FLG: variants seen among roughly 807,000 people sequenced by gnomAD.
FLG encodes the protein epidermal filaggrin.
A neutral mutation model predicts 3.8 loss-of-function variants in FLG; 6 were observed. The observed-to-expected ratio is 1.60, with a 90% CI of 0.87 to 3.15. The LOEUF is 3.15. Ranked by LOEUF, FLG falls within the 30% of genes most tolerant of loss-of-function variation. The pLI is 0.00. For synonymous variants in FLG, 2,551 were observed against 1,931.6 expected, an observed-to-expected ratio of 1.32 and a Z score of -8.41; for missense variants, 7,595 against 5,050.9, an observed-to-expected ratio of 1.50 and a Z score of -15.27.
At position 152,312,206 on chromosome 1, in the gene FLG, T is replaced by G. The variant is rs1652494034; in HGVS notation, c.2680A>C (p.Arg894=). The G allele has an allele frequency of 6.2e-7, 1 of 1,613,908 alleles. No individual in the cohort carries two copies. The highest frequency in any genetic ancestry group is 8.5e-7 in the Non-Finnish European group (1 of 1,180,008). The part of the protein sequence containing the change: ...RGQSGSRSAS[R]TTRNEEQSRD... ...GATTGTTCCTCATTACGTGTTGTTC[T>G]GCTTGCACTTCTGGATCCTGACTGC... Residue 894 remains arginine, a synonymous_variant, in exon 3 of 3, where the codon AGA becomes CGA. Transcript: ENST00000368799.
chr1:152,302,894 T>A lies in FLG; in HGVS notation c.11992A>T (p.Ser3998Cys). ...ACAGGATTGGAATTGTAACTAACAC[T>A]TCCGTGCTGAGAGTGTCTAAACCCG... The part of the protein sequence containing the change: ...ESGFRHSQHG[S>C]VSYNSNPVVF... Residue 3998 changes from serine to cysteine, a missense_variant, in exon 3 of 3, where the codon AGT becomes TGT. Physicochemically the swap from Ser to Cys is moderately radical, Grantham distance 112 (BLOSUM62 -1). Transcript: ENST00000368799. 1.2e-6 allele frequency: 2 copies of A among 1,614,224 alleles called. No homozygotes were observed. Among genetic ancestry groups the A allele is most frequent in the Non-Finnish European group, 1.7e-6 (2 of 1,180,038 alleles).
rs184470276 is a variant in FLG at position 152,302,754 on chromosome 1, A to G, written c.12132T>C (p.Asp4044=). 5.0e-6 allele frequency: 8 copies of G among 1,614,044 alleles called. No individual in the cohort carries two copies. Among genetic ancestry groups the G allele is most frequent in the African/African-American group, 1.3e-5 (1 of 74,934 alleles). The part of the protein sequence containing the change: ...KDPGLCGHSS[D]ISKQLGFSQS... The stretch of plus-strand genomic sequence containing the variant: ...GACTAAATCCCAGTTGTTTCGATAT[A>G]TCACTAGAATGGCCACATAAACCTG... Residue 4044 remains aspartate, a synonymous_variant, in exon 3 of 3, where the codon GAT becomes GAC. Coordinates refer to ENST00000368799, the MANE Select transcript of FLG (RefSeq NM_002016.2).
rs779073764 is a variant in FLG, at chr1:152,311,542, C to A, written c.3344G>T (p.Gly1115Val). 6.2e-7 allele frequency: 1 copy of A among 1,613,876 alleles called. No homozygotes were observed. Among genetic ancestry groups the A allele is most frequent in the Non-Finnish European group, 8.5e-7 (1 of 1,179,990 alleles). Residue 1115 changes from glycine (G) to valine (V), a missense_variant, in exon 3 of 3, where the codon GGG becomes GTG. Gly to Val is a moderately radical substitution (Grantham distance 109, BLOSUM62 -3). Transcript: ENST00000368799. ...DWSGGRSGRS[G>V]SFIYQVSTHE... Reference sequence around the variant, plus strand: ...AGTGCTCACCTGGTAGATGAAAGACCCTGAACGTCCAGACCTTCCCCCTGA... The same window carrying A: ...AGTGCTCACCTGGTAGATGAAAGACACTGAACGTCCAGACCTTCCCCCTGA...
chr1:152,310,774 G>C lies in FLG; in HGVS notation c.4112C>G (p.Ser1371Ter). 6.2e-7 allele frequency: 1 copy of C among 1,614,030 alleles called. No homozygotes were observed. Among genetic ancestry groups the C allele is most frequent in the Non-Finnish European group, 8.5e-7 (1 of 1,179,992 alleles). The change falls in exon 3 of 3, where the codon TCA becomes TGA. Residue 1371 changes from serine to a stop codon, truncating the protein, a stop_gained. Transcript: ENST00000368799. LOFTEE classifies it low-confidence loss of function (END_TRUNC). ...HQQSADSSRH[S>*]GIGHRQASSA... ...TGAAGCTTGTCTGTGCCCAATGCCT[G>C]AGTGTCTGGAGCTGTCTGCTGACTG...
chr1:152,314,712 C>G lies in FLG; in HGVS notation c.174G>C (p.Met58Ile). 1 of 1,613,800 alleles carries G rather than the reference C, an allele frequency of 6.2e-7. No individual in the cohort carries two copies. Among genetic ancestry groups the G allele is most frequent in the Non-Finnish European group, 8.5e-7 (1 of 1,179,764 alleles). ...TGTTGTGGTCTATATCCAAGTGATCCATGAAGACATCAACCATATCTGGGT... is the reference window on the plus strand; with the variant it reads ...TGTTGTGGTCTATATCCAAGTGATCGATGAAGACATCAACCATATCTGGGT... ...PDDPDMVDVF[M>I]DHLDIDHNKK... The change falls in exon 3 of 3, where the codon ATG becomes ATC. Residue 58 changes from methionine (M) to isoleucine (I), a missense_variant. Physicochemically the swap from Met to Ile is conservative, Grantham distance 10. Coordinates refer to ENST00000368799, the MANE Select transcript of FLG (RefSeq NM_002016.2).
chr1:152,314,829 A>T, intron 2 of FLG, 82 bp from the exon 3 acceptor site: 2 of 1,566,774 alleles, frequency 1.3e-6, no homozygotes, highest in Non-Finnish European at 1.7e-6. Context: ...TAATTTAAGG[A>T]ACCTGATCTT....
In FLG at chr1:152,308,564, C is replaced by T. The variant is rs775399724; in HGVS notation, c.6322G>A (p.Ala2108Thr). The T allele has an allele frequency of 9.3e-6, 15 of 1,613,988 alleles. No homozygotes were observed. In the South Asian group the frequency reaches 1.2e-4, roughly 13 times the overall value. Reference protein sequence around the residue: ...EQSESTHGQSAPSTGGRQGSH... With the variant: ...EQSESTHGQSTPSTGGRQGSH... Reference sequence around the variant, plus strand: ...CCTTGTCTTCCTCCAGTGCTGGGCGCAGACTGTCCATGGGTGGACTCAGAC... The same window carrying T: ...CCTTGTCTTCCTCCAGTGCTGGGCGTAGACTGTCCATGGGTGGACTCAGAC... Residue 2108 changes from alanine to threonine, a missense_variant, in exon 3 of 3, where the codon GCG (alanine) becomes ACG (threonine). By Grantham distance (58) the Ala-to-Thr change is moderately conservative (BLOSUM62 0). Transcript: ENST00000368799.
rs147044321 is a variant in FLG at position 152,314,156 on chromosome 1, A to T, written c.730T>A (p.Tyr244Asn). Residue 244 changes from tyrosine to asparagine, a missense_variant, in exon 3 of 3, where the codon TAT becomes AAT. By Grantham distance (143) the Tyr-to-Asn change is moderately radical (BLOSUM62 -2). Transcript: ENST00000368799. ...ATYYTIQDEA[Y>N]DTTDSLLEEN... ...TCTAATAGACTATCAGTGGTGTCATAGGCTTCATCCTGGATTGTGTAATAT... is the reference window on the plus strand; with the variant it reads ...TCTAATAGACTATCAGTGGTGTCATTGGCTTCATCCTGGATTGTGTAATAT... 53 of 1,614,058 alleles carry T rather than the reference A, an allele frequency of 3.3e-5. No homozygotes were observed. In the African/African-American group the frequency reaches 6.3e-4, roughly 19 times the overall value.
At position 152,312,354 on chromosome 1, in the gene FLG, G is replaced by A. The variant is rs1033742473; in HGVS notation, c.2532C>T (p.His844=). 1.1e-5 allele frequency: 17 copies of A among 1,612,172 alleles called. No individual in the cohort carries two copies. Among genetic ancestry groups the A allele is most frequent in the Non-Finnish European group, 1.4e-5 (17 of 1,179,508 alleles). Residue 844 remains histidine, a synonymous_variant, in exon 3 of 3, where the codon CAC becomes CAT. Coordinates refer to ENST00000368799, the MANE Select transcript of FLG (RefSeq NM_002016.2). Reference sequence around the variant, plus strand: ...GCCTTCCTCTTCTGCTTGACCCCGGGTGTCCACGAATGGTGTCCTGACCAT... The same window carrying A: ...GCCTTCCTCTTCTGCTTGACCCCGGATGTCCACGAATGGTGTCCTGACCAT... ...SQDGQDTIRG[H]PGSSRRGRQG... is the part of the protein sequence containing the mutation.
chr1:152,303,842 G>A lies in FLG; in HGVS notation c.11044C>T (p.His3682Tyr). Reference sequence around the variant, plus strand: ...TGCTGATGGGGCCCAGCCTGTCCGTGGGCTGACACTGACTGTGTGTCTGAG... The same window carrying A: ...TGCTGATGGGGCCCAGCCTGTCCGTAGGCTGACACTGACTGTGTGTCTGAG... ...EDSDTQSVSA[H>Y]GQAGPHQQSH... Residue 3682 changes from histidine (H) to tyrosine (Y), a missense_variant, in exon 3 of 3, where the codon CAC (histidine) becomes TAC (tyrosine). Transcript: ENST00000368799. 5.0e-6 allele frequency: 8 copies of A among 1,613,804 alleles called. No homozygotes were observed. Among genetic ancestry groups the A allele is most frequent in the Non-Finnish European group, 6.8e-6 (8 of 1,179,892 alleles).
In FLG at chr1:152,313,628, T is replaced by C. The variant is rs1317555744; in HGVS notation, c.1258A>G (p.Ser420Gly). Residue 420 changes from serine (S) to glycine (G), a missense_variant, in exon 3 of 3, where the codon AGT (serine) becomes GGT (glycine). Ser to Gly is a moderately conservative substitution (Grantham distance 56, BLOSUM62 0). Transcript: ENST00000368799. ...SDRGHRGSSG[S>G]QASDSEGHSE... ...TGTCCCTCACTGTCACTGGCCTGAC[T>C]ACCGCTAGACCCCCGGTGTCCACGA... is the stretch of plus-strand genomic sequence containing the variant. 1 of 1,613,946 alleles carries C rather than the reference T, an allele frequency of 6.2e-7. No individual in the cohort carries two copies. Among genetic ancestry groups the C allele is most frequent in the Non-Finnish European group, 8.5e-7 (1 of 1,179,978 alleles).
rs1198696521 is a variant in FLG, at chr1:152,309,120, A to G, written c.5766T>C (p.Ser1922=). The G allele has an allele frequency of 1.9e-6, 3 of 1,613,464 alleles. No individual in the cohort carries two copies. The African/African-American group carries it at 4.0e-5, about 22-fold the overall frequency. ...AGTCTTCTGAGTGTCCCTGACTGTC[A>G]CTGTCCTGGCTAACACTGGATCCCT... ...RNQGSSVSQD[S]DSQGHSEDSE... is the part of the protein sequence containing the mutation. The change falls in exon 3 of 3, where the codon AGT becomes AGC. Residue 1922 remains serine (S), a synonymous_variant. Transcript: ENST00000368799.
chr1:152,303,163 T>C lies in FLG; in HGVS notation c.11723A>G (p.Asp3908Gly), dbSNP rs369832327. 76 of 1,614,028 alleles carry C rather than the reference T, an allele frequency of 4.7e-5. No individual in the cohort carries two copies. The highest frequency in any genetic ancestry group is 6.0e-5 in the Non-Finnish European group (71 of 1,180,032). ...GSRHPGSSHR[D>G]TASHVQSSPV... is the part of the protein sequence containing the mutation. ...TGAAGACTGTACATGACTGGCTGTATCGCGGTGAGAGGATCCGGGGTGTCT... is the reference window on the plus strand; with the variant it reads ...TGAAGACTGTACATGACTGGCTGTACCGCGGTGAGAGGATCCGGGGTGTCT... The change falls in exon 3 of 3, where the codon GAT becomes GGT. Residue 3908 changes from aspartate (D) to glycine (G), a missense_variant. Physicochemically the swap from Asp to Gly is moderately conservative, Grantham distance 94 (BLOSUM62 -1). Transcript: ENST00000368799.
chr1:152,307,078 G>A lies in FLG; in HGVS notation c.7808C>T (p.Ser2603Phe). ...TTCTTGATGGGACCTGGGGTGTCTG[G>A]AGCCATCTCTTAGCTGCTCCTGAGC... ...GSAQEQLRDG[S>F]RHPRSHQEDR... The change falls in exon 3 of 3, where the codon TCC becomes TTC. Residue 2603 changes from serine to phenylalanine, a missense_variant. Transcript: ENST00000368799. The A allele has an allele frequency of 6.2e-7, 1 of 1,609,792 alleles. No homozygotes were observed. Among genetic ancestry groups the A allele is most frequent in the Non-Finnish European group, 8.5e-7 (1 of 1,179,532 alleles).
Position 152,310,000 on chromosome 1 carries a change from C to G in FLG, c.4886G>C (p.Gly1629Ala). Reference protein sequence around the residue: ...YGSAREQSRHGSRNPRSHQED... With the variant: ...YGSAREQSRHASRNPRSHQED... The stretch of plus-strand genomic sequence containing the variant: ...TTGATGGGACCTGGGGTTCCTGGAG[C>G]CATGTCTTGACTGCTCCCGAGCAGA... The change falls in exon 3 of 3, where the codon GGC (glycine) becomes GCC (alanine). Residue 1629 changes from glycine to alanine, a missense_variant. By Grantham distance (60) the Gly-to-Ala change is moderately conservative. Transcript: ENST00000368799. The G allele has an allele frequency of 6.2e-7, 1 of 1,613,972 alleles. No homozygotes were observed. Among genetic ancestry groups the G allele is most frequent in the Non-Finnish European group, 8.5e-7 (1 of 1,180,008 alleles).
rs1652171521 is a variant in FLG, at chr1:152,308,819, C to CGG, written c.6066_6067insCC (p.Gly2023ProfsTer73). 1.2e-6 allele frequency: 2 copies of CGG among 1,614,028 alleles called. No individual in the cohort carries two copies. Among genetic ancestry groups the CGG allele is most frequent in the African/African-American group, 1.3e-5 (1 of 74,928 alleles). ...ACTGCAGATGAAGCTTGTCCATGCC[C>CGG]AATGCCTGAGTGTCTGGAGCTGTCT... On this transcript the variant is annotated frameshift_variant, in exon 3 of 3. Transcript: ENST00000368799. LOFTEE classifies it low-confidence loss of function (END_TRUNC).
Position 152,313,805 on chromosome 1 carries a change from C to A in FLG, c.1081G>T (p.Ala361Ser). The A allele has an allele frequency of 6.2e-7, 1 of 1,614,104 alleles. No individual in the cohort carries two copies. Among genetic ancestry groups the A allele is most frequent in the Non-Finnish European group, 8.5e-7 (1 of 1,180,010 alleles). Residue 361 changes from alanine to serine, a missense_variant, in exon 3 of 3, where the codon GCA becomes TCA. Ala to Ser is a moderately conservative substitution (Grantham distance 99, BLOSUM62 1). Coordinates refer to ENST00000368799, the MANE Select transcript of FLG (RefSeq NM_002016.2). ...GTCTGTCCACGAGAGGAAGTCTCTG[C>A]GTGACGAGTGCCTGATTGTCTGGAG... Reference protein sequence around the residue: ...DSSRQSGTRHAETSSRGQTAS... With the variant: ...DSSRQSGTRHSETSSRGQTAS...
chr1:152,312,360 A>T lies in FLG; in HGVS notation c.2526T>A (p.Arg842=). 6.2e-7 allele frequency: 1 copy of T among 1,612,162 alleles called. No homozygotes were observed. Among genetic ancestry groups the T allele is most frequent in the Non-Finnish European group, 8.5e-7 (1 of 1,179,480 alleles). Residue 842 remains arginine, a synonymous_variant, in exon 3 of 3, where the codon CGT becomes CGA. Coordinates refer to ENST00000368799, the MANE Select transcript of FLG (RefSeq NM_002016.2). ...CTCTTCTGCTTGACCCCGGGTGTCC[A>T]CGAATGGTGTCCTGACCATCTTGGG... is the stretch of plus-strand genomic sequence containing the variant. ...SASQDGQDTI[R]GHPGSSRRGR...
At position 152,310,346 on chromosome 1, in the gene FLG, G is replaced by A. The variant is rs762000612; in HGVS notation, c.4540C>T (p.His1514Tyr). 7.4e-6 allele frequency: 12 copies of A among 1,613,764 alleles called. No individual in the cohort carries two copies. In the South Asian group the frequency reaches 1.2e-4, roughly 16 times the overall value. ...YHEQSVDRSG[H>Y]SGYHHSHTTP... ...GTGTGGCTGTGATGGTACCCTGAGT[G>A]TCCAGACCTATCTACTGATTGCTCG... is the stretch of plus-strand genomic sequence containing the variant. The change falls in exon 3 of 3, where the codon CAC becomes TAC. Residue 1514 changes from histidine to tyrosine, a missense_variant. By Grantham distance (83) the His-to-Tyr change is moderately conservative. Coordinates refer to ENST00000368799, the MANE Select transcript of FLG (RefSeq NM_002016.2).
Sources: allele counts gnomAD v4.1 joint callset, GRCh38; gene constraint gnomAD v4.1.1; transcripts MANE v1.5; gene names NCBI Gene and HGNC (gene_info 2026-07-23, HGNC 2026-07-21).